Variants in MAP3K9 observed in about 807,000 individuals in gnomAD.
The protein encoded by MAP3K9 is mixed lineage kinase 1 (tyr and ser/thr specificity).
MAP3K9 carries 46 observed loss-of-function variants against 95.8 expected under a neutral mutation model. That is an observed-to-expected ratio of 0.48 (90% CI 0.38 to 0.61). The LOEUF (loss-of-function observed/expected upper bound fraction) is 0.61, where lower values mean the gene tolerates loss of function less well. Ranked by LOEUF, MAP3K9 falls within the 20% of genes least tolerant of loss-of-function variation. The pLI is 0.00. For missense variants in MAP3K9, 1,296 were observed against 1,474.3 expected (o/e 0.88, Z 1.98); for synonymous variants, 533 against 593.8 (o/e 0.90, Z 1.49).
chr14:70,737,780 C>CT, intron 8 of MAP3K9, among the ~76,000 whole-genome samples: 1 of 152,292 alleles, frequency 6.6e-6, no homozygotes, highest in Middle Eastern at 3.4e-3. Context: ...AGCAGAACAC[C>CT]CTGGCAGAAC....
At chr14:70,761,573 G>A (rs1445045017) in intron 2 of MAP3K9, among the ~76,000 whole-genome samples, 1 of 152,144 alleles carries the variant, frequency 6.6e-6, no homozygotes, top group Non-Finnish European at 1.5e-5. Context: ...CACCTGCCTG[G>A]CCAACATGGT....
At chr14:70,784,107 A>C (rs973835569) in intron 2 of MAP3K9, among the ~76,000 whole-genome samples, 1 of 151,948 alleles carries the variant, frequency 6.6e-6, no homozygotes, top group African/African-American at 2.4e-5. Flanking sequence ...AACATGGTGA[A>C]ATTGCACCTC....
At position 70,742,589 on chromosome 14, in the gene MAP3K9, T is replaced by G; in HGVS notation, c.1329A>C (p.Glu443Asp). 1.9e-6 allele frequency: 3 copies of G among 1,613,792 alleles called. No homozygotes were observed. Among genetic ancestry groups the G allele is most frequent in the Non-Finnish European group, 2.5e-6 (3 of 1,179,850 alleles). ...TCAGCTCCTCCTCCCAGGTGCGAAGTTCCTGCAGGATGGGCAGAACCATCA... is the reference window on the plus strand; with the variant it reads ...TCAGCTCCTCCTCCCAGGTGCGAAGGTCCTGCAGGATGGGCAGAACCATCA... ...MFDQLRAKEK[E>D]LRTWEEELTR... The change falls in exon 6 of 12, where the codon GAA becomes GAC. Residue 443 changes from glutamate to aspartate, a missense_variant and splice_region_variant. Around this residue, in one of 5 missense-constraint regions of MAP3K9, gnomAD observed 377 missense variants for 417.1 expected, o/e 0.90. Coordinates refer to ENST00000554752, the MANE Select transcript of MAP3K9 (RefSeq NM_001284230.2).
chr14:70,730,179 G>A lies in MAP3K9; in HGVS notation c.*201C>T. ...AGAGCTGATGGCCACAGCCCCTCCA[G>A]TGGACACGGGTAGAAAGGCCCTGCA... On this transcript the variant is annotated 3_prime_UTR_variant, in exon 12 of 12. Transcript: ENST00000554752. 1 of 712,130 alleles carries A rather than the reference G, an allele frequency of 1.4e-6. No individual in the cohort carries two copies. The highest frequency in any genetic ancestry group is 2.2e-6 in the Non-Finnish European group (1 of 448,540). 44.1% of individuals were successfully genotyped at this position (712,130 alleles called of 1,614,324 possible). A position where few individuals can be genotyped will look rare whatever the true frequency, so the allele number is the denominator to read the frequency against.
chr14:70,724,950 T>C lies in MAP3K9; in HGVS notation c.*5430A>G, dbSNP rs532276257. 6.6e-6 allele frequency: 1 copy of C among 152,362 alleles called. No individual in the cohort carries two copies. Among genetic ancestry groups the C allele is most frequent in the East Asian group, 1.9e-4 (1 of 5,178 alleles). The allele number at this position is 152,362 out of a possible 1,614,324, so 9.4% of individuals were successfully genotyped here. On this transcript the variant is annotated 3_prime_UTR_variant, in exon 12 of 12. Coordinates refer to ENST00000554752, the MANE Select transcript of MAP3K9 (RefSeq NM_001284230.2). ...CACCTATCTCGATAGACACCTGTCA[T>C]GTCCACATCTGCCAATCAGCCTAGT...
At chr14:70,763,534 C>T (rs2054403397) in intron 2 of MAP3K9, among the ~76,000 whole-genome samples, 1 of 146,478 alleles carries the variant, frequency 6.8e-6, no homozygotes. Flanking sequence ...TATGTATTTA[C>T]TTTTTTTTTT....
chr14:70,801,004 A>G lies in MAP3K9; in HGVS notation c.483T>C (p.Ala161=). The part of the protein sequence containing the change: ...GIGGFGKVYR[A]FWIGDEVAVK... ...CAGCAACCTCATCCCCTATCCAGAA[A>G]GCACGATAGACCTTCCCAAAGCCCC... The change falls in exon 2 of 12, where the codon GCT becomes GCC. Residue 161 remains alanine, a synonymous_variant. Transcript: ENST00000554752. 6.2e-7 allele frequency: 1 copy of G among 1,614,220 alleles called. No individual in the cohort carries two copies. Among genetic ancestry groups the G allele is most frequent in the Middle Eastern group, 1.6e-4 (1 of 6,062 alleles).
At chr14:70,774,264 G>A (rs868300733) in intron 2 of MAP3K9, among the ~76,000 whole-genome samples, 1 of 152,244 alleles carries the variant, frequency 6.6e-6, no homozygotes, top group African/African-American at 2.4e-5. Flanking sequence ...CCAGGAGGAA[G>A]AGTCAGTGAG....
Position 70,729,543 on chromosome 14 carries a change from T to G in MAP3K9, c.*837A>C, listed in dbSNP as rs975198995. ...ACTATTCCTGGGATGAGCAGATGAT[T>G]GTATCCGAACCTGGTCTGACGAGGT... On this transcript the variant is annotated 3_prime_UTR_variant, in exon 12 of 12. Coordinates refer to ENST00000554752, the MANE Select transcript of MAP3K9 (RefSeq NM_001284230.2). The G allele has an allele frequency of 6.6e-6, 1 of 152,212 alleles. No homozygotes were observed. The highest frequency in any genetic ancestry group is 2.4e-5 in the African/African-American group (1 of 41,442). The allele number at this position is 152,212 out of a possible 1,614,324, so 9.4% of individuals were successfully genotyped here.
chr14:70,748,400 C>A (rs1197127203), intron 5 of MAP3K9, among the ~76,000 whole-genome samples: 1 of 152,188 alleles, frequency 6.6e-6, no homozygotes, highest in African/African-American at 2.4e-5. Context: ...AAATGCCACA[C>A]AATTTCAGAC....
At chr14:70,731,641 G>A (rs1241533353) in intron 11 of MAP3K9, among the ~76,000 whole-genome samples, 1 of 152,126 alleles carries the variant, frequency 6.6e-6, no homozygotes, top group Non-Finnish European at 1.5e-5. Context: ...TTCATTTACT[G>A]CTCATCCATG....
At chr14:70,796,917 G>A in intron 2 of MAP3K9, among the ~76,000 whole-genome samples, 1 of 152,084 alleles carries the variant, frequency 6.6e-6, no homozygotes, top group East Asian at 1.9e-4. Context: ...ACCTTGTTTA[G>A]CCGCTGTTAT....
At chr14:70,786,708 G>A (rs1028993244) in intron 2 of MAP3K9, among the ~76,000 whole-genome samples, 4 of 152,186 alleles carry the variant, frequency 2.6e-5, no homozygotes, top group Non-Finnish European at 5.9e-5. Flanking sequence ...ACTATCATGA[G>A]CATCAGGATG....
chr14:70,760,172 CAT>C lies in MAP3K9; in HGVS notation c.1001+828_1001+829del, dbSNP rs1491025857. ...ACACACACACACACACACACACACA[CAT>C]ACACAGCTCACTTTACAACACATCA... On this transcript the variant is annotated intron_variant, in intron 3 of 11. Transcript: ENST00000554752. Among the ~76,000 whole-genome samples the C allele has an allele frequency of 6.5e-3, 948 of 145,402 alleles. 15 individuals are homozygous for C. The highest frequency in any genetic ancestry group is 0.022 in the African/African-American group (828 of 38,002).
At chr14:70,748,721 T>C (rs1566739477) in intron 5 of MAP3K9, 108 bp downstream of exon 5, 8 of 787,504 alleles carry the variant, frequency 1.0e-5, no homozygotes, top group Non-Finnish European at 1.6e-5. Flanking sequence ...AGAATCAAGA[T>C]GGTCAGTCAG....
intron 3 of MAP3K9, among the ~76,000 whole-genome samples, chr14:70,757,127 G>A (rs2054308546): frequency 6.6e-6 from 1 of 152,098 alleles, no homozygotes; most frequent in Non-Finnish European, 1.5e-5. Context: ...GTTAAAGGAG[G>A]TCTAAATAAA....
chr14:70,797,457 G>A (rs1403681794), intron 2 of MAP3K9, among the ~76,000 whole-genome samples: 2 of 151,730 alleles, frequency 1.3e-5, no homozygotes, highest in Non-Finnish European at 2.9e-5. Context: ...TTAAAAAAAG[G>A]CTTGGTGCAC....
chr14:70,752,357 G>C (rs1452302259), intron 3 of MAP3K9, among the ~76,000 whole-genome samples: 1 of 152,190 alleles, frequency 6.6e-6, no homozygotes, highest in Admixed American at 6.5e-5. Flanking sequence ...TGGTACACAG[G>C]AAGCACTCAT....
Position 70,730,092 on chromosome 14 carries a change from A to G in MAP3K9, c.*288T>C. Reference sequence around the variant, plus strand: ...TGAGTGACTCTGCAGGGTCACTCTAAAGGCAAGGAAGACTGTGGAGGGTGG... The same window carrying G: ...TGAGTGACTCTGCAGGGTCACTCTAGAGGCAAGGAAGACTGTGGAGGGTGG... On this transcript the variant is annotated 3_prime_UTR_variant, in exon 12 of 12. Transcript: ENST00000554752. 2.4e-6 allele frequency: 1 copy of G among 409,242 alleles called. No homozygotes were observed. The highest frequency in any genetic ancestry group is 4.5e-6 in the Non-Finnish European group (1 of 223,292). 25.4% of individuals were successfully genotyped at this position (409,242 alleles called of 1,614,324 possible). A position where few individuals can be genotyped will look rare whatever the true frequency, so the allele number is the denominator to read the frequency against.
Sources: allele counts gnomAD v4.1 joint callset (sites outside exome capture counted in the v4.1 genomes callset), GRCh38; gene constraint gnomAD v4.1.1; regional missense constraint gnomAD v4.1.1; transcripts MANE v1.5; gene names NCBI Gene and HGNC (gene_info 2026-07-23, HGNC 2026-07-21).